Variants in TMPRSS15 observed in about 807,000 individuals in gnomAD.
TMPRSS15 encodes transmembrane serine protease 15.
TMPRSS15 carries 128 observed loss-of-function variants against 125.3 expected under a neutral mutation model. That is an observed-to-expected ratio of 1.02 (90% CI 0.89 to 1.18). The LOEUF is 1.18. TMPRSS15 is among the 50% of genes most tolerant of loss of function. TMPRSS15 has a pLI of 0.00. For missense variants in TMPRSS15, 1,283 were observed against 1,212.7 expected, an observed-to-expected ratio of 1.06 and a Z score of -0.86; for synonymous variants, 446 against 423.2, an observed-to-expected ratio of 1.05 and a Z score of -0.66.
At chr21:18,413,312 TTTCCTTCCTTCCTTCCTTCCTTCC>T (rs749971208) in intron 1 of TMPRSS15, among the ~76,000 whole-genome samples, 11 of 94,796 alleles carry the variant, frequency 1.2e-4, no homozygotes, top group African/African-American at 4.5e-4. Flanking sequence ...TTTTCTTTCT[TTTCCTTCCTTCCTTCCTTCCTTCC>T]TTCCTTCCTT....
At chr21:18,285,696 G>A (rs1416665880) in intron 21 of TMPRSS15, among the ~76,000 whole-genome samples, 3 of 152,192 alleles carry the variant, frequency 2.0e-5, no homozygotes, top group Non-Finnish European at 1.5e-5. Context: ...AAAGAAGCCA[G>A]ATTAAATGAA....
At chr21:18,448,614 G>A (rs1336422645) in intron 1 of TMPRSS15, among the ~76,000 whole-genome samples, 1 of 152,062 alleles carries the variant, frequency 6.6e-6, no homozygotes, top group Non-Finnish European at 1.5e-5. Flanking sequence ...TCTAAGCACA[G>A]AGTGTATGAA....
intron 15 of TMPRSS15, among the ~76,000 whole-genome samples, chr21:18,327,951 G>A (rs2075309382): frequency 2.0e-5 from 3 of 152,072 alleles, no homozygotes; most frequent in Admixed American, 2.0e-4. Context: ...TACTCTGGAG[G>A]CTGAGGCAGG....
chr21:18,472,730 C>T (rs1978805636), intron 1 of TMPRSS15, among the ~76,000 whole-genome samples: 1 of 151,676 alleles, frequency 6.6e-6, no homozygotes, highest in Non-Finnish European at 1.5e-5. Context: ...ATTTTAAGTA[C>T]AGCAAATCAG....
chr21:18,295,869 T>C (rs2074900389), intron 19 of TMPRSS15, among the ~76,000 whole-genome samples: 1 of 152,254 alleles, frequency 6.6e-6, no homozygotes, highest in Non-Finnish European at 1.5e-5. Context: ...AGAATCAGAA[T>C]AGGCCGGGCG....
intron 19 of TMPRSS15, among the ~76,000 whole-genome samples, chr21:18,295,766 A>G (rs186102833): frequency 4.3e-4 from 65 of 152,280 alleles, no homozygotes; most frequent in African/African-American, 1.4e-3. Context: ...ATGTATTTCT[A>G]ACACCCCAAG....
chr21:18,315,427 G>T, intron 16 of TMPRSS15, among the ~76,000 whole-genome samples, 171 bp from the exon 17 acceptor site: 1 of 50,082 alleles, frequency 2.0e-5, no homozygotes, highest in Non-Finnish European at 5.9e-5. Flanking sequence ...CACCAACATG[G>T]CACATGTATA....
At chr21:18,469,095 G>A (rs908879774) in intron 1 of TMPRSS15, among the ~76,000 whole-genome samples, 5 of 152,070 alleles carry the variant, frequency 3.3e-5, no homozygotes, top group Admixed American at 6.6e-5. Flanking sequence ...ATGTCCACCC[G>A]GCTAATATAT....
upstream of TMPRSS15, among the ~76,000 whole-genome samples, chr21:18,407,626 C>T (rs891883883): frequency 9.9e-5 from 15 of 151,700 alleles, no homozygotes; most frequent in African/African-American, 3.6e-4. Flanking sequence ...TTCTCTTCCC[C>T]CGCTTTTTTC....
chr21:18,279,119 A>G, intron 22 of TMPRSS15, 60 bp from the exon 23 acceptor site: 1 of 893,392 alleles, frequency 1.1e-6, no homozygotes, highest in Non-Finnish European at 1.8e-6. Context: ...ACAGATTTAC[A>G]AGCATTTCTA....
chr21:18,471,152 T>C (rs554349532), intron 1 of TMPRSS15, among the ~76,000 whole-genome samples: 25 of 152,194 alleles, frequency 1.6e-4, no homozygotes, highest in Admixed American at 4.6e-4. Flanking sequence ...TCAACAGAAC[T>C]GTATTAAGGT....
At chr21:18,280,921 T>C in intron 22 of TMPRSS15, 119 bp downstream of exon 22, 1 of 1,110,574 alleles carries the variant, frequency 9.0e-7, no homozygotes, top group Non-Finnish European at 1.3e-6. Context: ...GTTCCAATGA[T>C]TTATGTAACA....
At chr21:18,433,683 A>G (rs1359867875) in intron 1 of TMPRSS15, among the ~76,000 whole-genome samples, 6 of 151,392 alleles carry the variant, frequency 4.0e-5, no homozygotes, top group Non-Finnish European at 4.4e-5. Flanking sequence ...AAAAAAAAAA[A>G]AAAGAAAATA....
At chr21:18,334,871 G>T (rs530981439) in intron 13 of TMPRSS15, among the ~76,000 whole-genome samples, 3 of 152,060 alleles carry the variant, frequency 2.0e-5, no homozygotes, top group African/African-American at 7.2e-5. Context: ...CACTTGATAC[G>T]TACATAACAA....
intron 1 of TMPRSS15, among the ~76,000 whole-genome samples, chr21:18,417,886 CACAA>C (rs904125012): frequency 2.6e-5 from 4 of 152,102 alleles, no homozygotes; most frequent in African/African-American, 4.8e-5. Flanking sequence ...CACATTCATG[CACAA>C]ACATACATAT....
intron 14 of TMPRSS15, among the ~76,000 whole-genome samples, chr21:18,331,342 C>A (rs1307212940): frequency 6.6e-6 from 1 of 152,160 alleles, no homozygotes; most frequent in Non-Finnish European, 1.5e-5. Context: ...GTGGCCTTAA[C>A]AAGGCACGAC....
intron 1 of TMPRSS15, among the ~76,000 whole-genome samples, chr21:18,465,499 T>C (rs1268647630): frequency 6.6e-6 from 1 of 152,182 alleles, no homozygotes; most frequent in African/African-American, 2.4e-5. Context: ...AATCATTGTG[T>C]ATTTAGAAAA....
chr21:18,272,190 A>AAAG (rs1181028824), intron 24 of TMPRSS15, among the ~76,000 whole-genome samples: 9 of 152,160 alleles, frequency 5.9e-5, no homozygotes, highest in African/African-American at 1.9e-4. Flanking sequence ...CAACACTGTA[A>AAAG]AAGTGTTCCT....
chr21:18,375,283 TAC>T (rs1301882758), intron 5 of TMPRSS15, among the ~76,000 whole-genome samples: 1 of 152,204 alleles, frequency 6.6e-6, no homozygotes, highest in East Asian at 1.9e-4. Flanking sequence ...TATATATTAT[TAC>T]AATTTCTAAG....
Sources: allele counts gnomAD v4.1 joint callset (sites outside exome capture counted in the v4.1 genomes callset), GRCh38; gene constraint gnomAD v4.1.1; transcripts MANE v1.5; gene names NCBI Gene and HGNC (gene_info 2026-07-23, HGNC 2026-07-21).